PTPRD: variants seen among roughly 807,000 people sequenced by gnomAD.
The protein encoded by PTPRD is receptor-type tyrosine-protein phosphatase delta.
PTPRD carries 34 observed loss-of-function variants against 214.5 expected under a neutral mutation model. The ratio of observed to expected loss-of-function variants is 0.16; its 90% confidence interval spans 0.12 to 0.21. The LOEUF (loss-of-function observed/expected upper bound fraction) is 0.21, where lower values mean the gene tolerates loss of function less well. Among genes scored for constraint, PTPRD ranks in the 10% least tolerant of loss-of-function variants. PTPRD has a pLI of 1.00. For missense variants in PTPRD, 2,545 were observed against 2,398.7 expected (o/e 1.06, Z -1.27); for synonymous variants, 1,128 against 845.7 (o/e 1.33, Z -5.79).
intron 44 of PTPRD, among the ~76,000 whole-genome samples, chr9:8,321,487 GTATATATATATATATA>G (rs750825729): frequency 3.4e-4 from 15 of 44,554 alleles, no homozygotes; most frequent in South Asian, 1.0e-3. Context: ...GTGTGTGTGT[GTATATATATATATATA>G]TATATATATA....
At chr9:8,470,137 A>G (rs1345030256) in intron 31 of PTPRD, among the ~76,000 whole-genome samples, 3 of 152,152 alleles carry the variant, frequency 2.0e-5, no homozygotes, top group Non-Finnish European at 4.4e-5. Context: ...TATTTGCCTT[A>G]TGAACTGATT....
At chr9:9,974,768 T>C (rs2095289217) in intron 4 of PTPRD, among the ~76,000 whole-genome samples, 1 of 152,194 alleles carries the variant, frequency 6.6e-6, no homozygotes, top group African/African-American at 2.4e-5. Flanking sequence ...ACCTTTAACT[T>C]CTTACCTATT....
rs554948904 is a variant in PTPRD, at chr9:9,076,792, C to CAT, written c.-142-58058_-142-58057insAT. Among the ~76,000 whole-genome samples, 174 of 143,972 alleles carry CAT rather than the reference C, an allele frequency of 1.2e-3. 1 individual carries two copies. The highest frequency in any genetic ancestry group is 3.7e-3 in the Middle Eastern group (1 of 272). The allele number at this position is 143,972 out of a possible 152,430, so 94.5% of individuals were successfully genotyped here. A position where few individuals can be genotyped will look rare whatever the true frequency, so the allele number is the denominator to read the frequency against. ...GATATCTCTTCAATATGATAATTTC[C>CAT]TTTTTTTTTTTTTTGGTTATATACC... is the stretch of plus-strand genomic sequence containing the variant. On this transcript the variant is annotated intron_variant, in intron 10 of 45. Transcript: ENST00000381196.
intron 39 of PTPRD, among the ~76,000 whole-genome samples, chr9:8,344,196 TG>T (rs1427609812): frequency 2.0e-5 from 3 of 152,106 alleles, no homozygotes; most frequent in African/African-American, 7.2e-5. Context: ...ATTGCAGCTG[TG>T]AATCGTTTCT....
Position 10,395,131 on chromosome 9 carries a change from AG to A in PTPRD, c.-599-54115del, listed in dbSNP as rs552473200. Among the ~76,000 whole-genome samples the A allele has an allele frequency of 3.8e-3, 572 of 151,478 alleles. 3 individuals are homozygous for A. The highest frequency in any genetic ancestry group is 5.0e-3 in the Non-Finnish European group (341 of 67,848). On this transcript the variant is annotated intron_variant, in intron 2 of 45. Coordinates refer to ENST00000381196, the MANE Select transcript of PTPRD (RefSeq NM_002839.4). ...TTATTATTATTATACTTAAAGTTCTAGGGTACATGTGCACAGCCTGCAGGTT... is the reference window on the plus strand; with the variant it reads ...TTATTATTATTATACTTAAAGTTCTAGGTACATGTGCACAGCCTGCAGGTT...
chr9:10,321,502 T>A (rs141447228), intron 3 of PTPRD, among the ~76,000 whole-genome samples: 1 of 151,964 alleles, frequency 6.6e-6, no homozygotes, highest in African/African-American at 2.4e-5. Flanking sequence ...CAAGATTAGG[T>A]TGGAAAAATA....
chr9:9,492,801 C>T (rs1345414837), intron 8 of PTPRD, among the ~76,000 whole-genome samples: 3 of 150,690 alleles, frequency 2.0e-5, no homozygotes, highest in Non-Finnish European at 4.4e-5. Context: ...AAAGCACGTG[C>T]TCACTTTTTG....
At chr9:9,078,513 T>C (rs2099754326) in intron 10 of PTPRD, among the ~76,000 whole-genome samples, 1 of 152,094 alleles carries the variant, frequency 6.6e-6, no homozygotes, top group Admixed American at 6.6e-5. Context: ...CATTGCTTGC[T>C]GTGCCATGAT....
intron 3 of PTPRD, among the ~76,000 whole-genome samples, chr9:10,218,984 C>T (rs544124456): frequency 1.3e-5 from 2 of 151,844 alleles, no homozygotes; most frequent in East Asian, 3.9e-4. Flanking sequence ...ATTGTTACTG[C>T]ATTTTGTTTA....
Position 8,723,995 on chromosome 9 carries a change from G to C in PTPRD, c.64+9785C>G, listed in dbSNP as rs574678422. On this transcript the variant is annotated intron_variant, in intron 12 of 45. Transcript: ENST00000381196. ...TTGAAAACCTATTGCAAATTGTACA[G>C]TGAATTTAAAACTTTTATGAGAGAA... is the stretch of plus-strand genomic sequence containing the variant. Among the ~76,000 whole-genome samples, 7 of 152,314 alleles carry C rather than the reference G, an allele frequency of 4.6e-5. No homozygotes were observed. In the South Asian group the frequency reaches 1.5e-3, roughly 32 times the overall value.
At chr9:10,494,215 A>G (rs567137343) in intron 2 of PTPRD, among the ~76,000 whole-genome samples, 1 of 152,058 alleles carries the variant, frequency 6.6e-6, no homozygotes, top group South Asian at 2.1e-4. Flanking sequence ...AGATAGTTTA[A>G]AAGTAAATCA....
At chr9:10,538,996 G>C (rs929479896) in intron 2 of PTPRD, among the ~76,000 whole-genome samples, 1 of 152,020 alleles carries the variant, frequency 6.6e-6, no homozygotes, top group Non-Finnish European at 1.5e-5. Context: ...CTTATCCAGG[G>C]AGTAAAGTTT....
In PTPRD at chr9:8,321,477, GTGTGTGTGTGTATATATATATATATATA is replaced by G. The variant is rs1386499112; in HGVS notation, c.5535-1539_5535-1512del. ...AAGTCTTCTTTGTGTGTGTGTGTGT[GTGTGTGTGTGTATATATATATATATATA>G]TATATATATATATATATATATAAAA... On this transcript the variant is annotated intron_variant, in intron 44 of 45. Transcript: ENST00000381196. Among the ~76,000 whole-genome samples the G allele has an allele frequency of 6.6e-4, 50 of 75,386 alleles. 1 individual carries two copies. The highest frequency in any genetic ancestry group is 8.2e-3 in the Middle Eastern group (1 of 122). The allele number at this position is 75,386 out of a possible 152,430, so 49.5% of individuals were successfully genotyped here.
chr9:9,360,118 C>T (rs2055469965), intron 9 of PTPRD, among the ~76,000 whole-genome samples: 1 of 150,984 alleles, frequency 6.6e-6, no homozygotes, highest in Non-Finnish European at 1.5e-5. Context: ...GTGGTAAGTA[C>T]AATGTGTTTA....
At chr9:10,031,107 G>A (rs548047250) in intron 4 of PTPRD, among the ~76,000 whole-genome samples, 5 of 152,220 alleles carry the variant, frequency 3.3e-5, no homozygotes, top group South Asian at 2.1e-4. Context: ...ATACTGTAGC[G>A]CCAGGTAGTA....
intron 3 of PTPRD, among the ~76,000 whole-genome samples, chr9:10,090,705 T>C (rs2098418682): frequency 6.8e-6 from 1 of 146,626 alleles, no homozygotes; most frequent in Admixed American, 7.1e-5. Flanking sequence ...GGATTTATCA[T>C]GCTACATTTA....
At chr9:9,576,186 G>T (rs1371759953) in intron 7 of PTPRD, among the ~76,000 whole-genome samples, 1 of 152,150 alleles carries the variant, frequency 6.6e-6, no homozygotes, top group Non-Finnish European at 1.5e-5. Context: ...CATAATTGAA[G>T]AAAATAGTTT....
intron 5 of PTPRD, among the ~76,000 whole-genome samples, chr9:9,853,105 T>C (rs748841568): frequency 1.2e-4 from 18 of 152,216 alleles, no homozygotes; most frequent in Non-Finnish European, 2.1e-4. Flanking sequence ...CCCTATGACA[T>C]AGAAGACCTC....
intron 5 of PTPRD, among the ~76,000 whole-genome samples, chr9:9,906,248 G>GA (rs1290621108): frequency 1.3e-5 from 2 of 151,826 alleles, no homozygotes; most frequent in East Asian, 1.9e-4. Context: ...ATTAAGGAAA[G>GA]AAAAAAAGAG....
Sources: gnomAD v4.1 joint callset for allele counts (sites outside exome capture counted in the v4.1 genomes callset) on GRCh38, gnomAD v4.1.1 for gene constraint, MANE v1.5 for transcripts, NCBI Gene and HGNC (gene_info 2026-07-23, HGNC 2026-07-21) for gene names.